Variants in APBA2 observed in about 807,000 individuals in gnomAD.
APBA2 encodes amyloid-beta A4 precursor protein-binding family A member 2.
Under a neutral mutation model 75.0 loss-of-function variants are expected in APBA2, and 30 were observed. The ratio of observed to expected loss-of-function variants is 0.40; its 90% CI spans 0.30 to 0.54. The LOEUF (loss-of-function observed/expected upper bound fraction) is 0.54, where lower values mean the gene tolerates loss of function less well. Ranked by LOEUF, APBA2 falls within the 20% of genes least tolerant of loss-of-function variation. The pLI is 0.49. For synonymous variants in APBA2, 444 were observed against 409.6 expected (o/e 1.08, Z -1.01); for missense variants, 801 against 1,016.1 (o/e 0.79, Z 2.88).
At chr15:28,903,277 A>C (rs975060958) in intron 1 of APBA2, among the ~76,000 whole-genome samples, 1 of 152,118 alleles carries the variant, frequency 6.6e-6, no homozygotes, top group Admixed American at 6.5e-5. Flanking sequence ...GGGGGGTGAT[A>C]TTGGTCACGA....
intron 3 of APBA2, among the ~76,000 whole-genome samples, chr15:29,006,850 G>A (rs1266093777): frequency 6.6e-6 from 1 of 152,214 alleles, no homozygotes; most frequent in Non-Finnish European, 1.5e-5. Context: ...GCAATCTACA[G>A]ATTCATTGCA....
intron 1 of APBA2, among the ~76,000 whole-genome samples, chr15:28,892,639 A>ATGTG (rs772983227): frequency 0.034 from 5,152 of 149,972 alleles, 97 homozygotes; most frequent in Non-Finnish European, 0.048. Context: ...CTGTGTGTAT[A>ATGTG]TGTGTGTGTG....
At chr15:29,029,344 A>C (rs1383390304) in intron 3 of APBA2, among the ~76,000 whole-genome samples, 3 of 151,066 alleles carry the variant, frequency 2.0e-5, no homozygotes, top group Non-Finnish European at 3.0e-5. Context: ...AAAAAAAAAA[A>C]CCCCTCTGTA....
intron 3 of APBA2, among the ~76,000 whole-genome samples, chr15:29,052,462 A>G (rs374194355): frequency 1.4e-5 from 2 of 146,130 alleles, no homozygotes; most frequent in African/African-American, 5.6e-5. Context: ...CTCAAAAAAA[A>G]AAAAAAGAAG....
chr15:28,961,913 T>C (rs2036494035), intron 2 of APBA2, among the ~76,000 whole-genome samples: 1 of 152,176 alleles, frequency 6.6e-6, no homozygotes, highest in South Asian at 2.1e-4. Context: ...GCTTGTTGCT[T>C]CTCTAAAGAG....
At chr15:28,920,334 G>A (rs934117049) in intron 1 of APBA2, among the ~76,000 whole-genome samples, 3 of 152,238 alleles carry the variant, frequency 2.0e-5, no homozygotes, top group Non-Finnish European at 4.4e-5. Context: ...CAGGGATTTG[G>A]GGTGTGATGG....
intron 2 of APBA2, among the ~76,000 whole-genome samples, chr15:28,957,139 C>T (rs2036211870): frequency 6.6e-6 from 1 of 152,044 alleles, no homozygotes; most frequent in Non-Finnish European, 1.5e-5. Flanking sequence ...GTGGTGCAAT[C>T]TCAGCTCACT....
intron 3 of APBA2, among the ~76,000 whole-genome samples, chr15:29,011,326 A>G (rs1224248071): frequency 2.0e-5 from 3 of 152,196 alleles, no homozygotes; most frequent in East Asian, 1.9e-4. Context: ...ATTTTTGGAT[A>G]CGTTGTATTT....
intron 6 of APBA2, among the ~76,000 whole-genome samples, chr15:29,087,503 G>A (rs2043340795): frequency 1.3e-5 from 2 of 152,182 alleles, no homozygotes; most frequent in African/African-American, 4.8e-5. Context: ...AGCCTGTGCT[G>A]CAGGCCCAGG....
intron 1 of APBA2, among the ~76,000 whole-genome samples, chr15:28,899,086 G>A (rs538967939): frequency 1.2e-4 from 19 of 152,378 alleles, no homozygotes; most frequent in African/African-American, 4.3e-4. Context: ...AAACCAAAGA[G>A]CTTTAAGAAG....
chr15:29,068,949 C>T (rs1483520603), intron 4 of APBA2, among the ~76,000 whole-genome samples: 1 of 152,188 alleles, frequency 6.6e-6, no homozygotes, highest in Non-Finnish European at 1.5e-5. Flanking sequence ...CACCTCTGCT[C>T]TTTAGTTCCA....
At chr15:28,952,707 T>G (rs534631653) in intron 2 of APBA2, among the ~76,000 whole-genome samples, 1 of 152,370 alleles carries the variant, frequency 6.6e-6, no homozygotes, top group East Asian at 1.9e-4. Flanking sequence ...CTAAATGATA[T>G]ATCCCATTGT....
chr15:29,039,311 G>T (rs1304515252), intron 3 of APBA2, among the ~76,000 whole-genome samples: 5 of 152,068 alleles, frequency 3.3e-5, no homozygotes, highest in Admixed American at 3.3e-4. Context: ...AGCAGGGAGT[G>T]GTAGAGGAGA....
At chr15:29,078,035 G>A (rs894721610) in intron 6 of APBA2, among the ~76,000 whole-genome samples, 7 of 152,162 alleles carry the variant, frequency 4.6e-5, no homozygotes, top group African/African-American at 1.4e-4. Context: ...GGTGGCTCAC[G>A]CCTGTAATCC....
chr15:28,945,583 A>G (rs956991467), intron 2 of APBA2, among the ~76,000 whole-genome samples: 1 of 151,256 alleles, frequency 6.6e-6, no homozygotes, highest in African/African-American at 2.4e-5. Flanking sequence ...GCAGTGGCCA[A>G]TCTTGGTTCA....
In APBA2 at chr15:29,117,178, C is replaced by T; in HGVS notation, c.*45C>T. The T allele has an allele frequency of 1.3e-6, 2 of 1,593,836 alleles. No individual in the cohort carries two copies. Among genetic ancestry groups the T allele is most frequent in the Admixed American group, 1.7e-5 (1 of 59,946 alleles). On this transcript the variant is annotated 3_prime_UTR_variant, in exon 15 of 15. Coordinates refer to ENST00000683413, the MANE Select transcript of APBA2 (RefSeq NM_001353788.2). ...GCAGCCAGGACACCGGGCAGGGCCG[C>T]CCGGGCCCAGAGGAGCTGGGAGCCG...
At chr15:29,096,170 T>C (rs896030184) in intron 8 of APBA2, among the ~76,000 whole-genome samples, 3 of 152,222 alleles carry the variant, frequency 2.0e-5, no homozygotes, top group Non-Finnish European at 4.4e-5. Flanking sequence ...TGGGGATGAC[T>C]GCAGGTCATG....
intron 3 of APBA2, among the ~76,000 whole-genome samples, chr15:29,033,140 G>A (rs1452067610): frequency 2.0e-5 from 3 of 152,196 alleles, no homozygotes; most frequent in African/African-American, 7.2e-5. Context: ...ATGCCTAGGT[G>A]ATCTGTGCAT....
chr15:29,091,323 T>G (rs962654573), intron 6 of APBA2, among the ~76,000 whole-genome samples: 6 of 152,228 alleles, frequency 3.9e-5, no homozygotes, highest in Admixed American at 2.6e-4. Context: ...GGTGATCCTC[T>G]GACCCCAGGG....
Sources: allele counts gnomAD v4.1 joint callset (sites outside exome capture counted in the v4.1 genomes callset), GRCh38; gene constraint gnomAD v4.1.1; transcripts MANE v1.5; gene names NCBI Gene and HGNC (gene_info 2026-07-23, HGNC 2026-07-21).